Variants in GIGYF2 observed in about 807,000 individuals in gnomAD.
GIGYF2 encodes GRB10-interacting GYF protein 2.
Under a neutral mutation model 208.1 loss-of-function variants are expected in GIGYF2, and 25 were observed. The observed-to-expected ratio is 0.12, with a 90% CI of 0.09 to 0.17. The LOEUF (loss-of-function observed/expected upper bound fraction) is 0.17, where lower values mean the gene tolerates loss of function less well. Among genes scored for constraint, GIGYF2 ranks in the 10% least tolerant of loss-of-function variants. The pLI, the probability that GIGYF2 is intolerant of heterozygous loss-of-function variation, is 1.00. For synonymous variants in GIGYF2, 534 were observed against 543.8 expected (o/e 0.98, Z 0.25); for missense variants, 1,302 against 1,579.4 (o/e 0.82, Z 2.98).
At chr2:232,851,779 A>T (rs1690343614) in intron 28 of GIGYF2, among the ~76,000 whole-genome samples, 1 of 152,190 alleles carries the variant, frequency 6.6e-6, no homozygotes, top group Non-Finnish European at 1.5e-5. Context: ...TGTTGTCTGC[A>T]ATAGAATACA....
At position 232,857,060 on chromosome 2, in the gene GIGYF2, A is replaced by G. The variant is rs1336983416; in HGVS notation, c.*200A>G. On this transcript the variant is annotated 3_prime_UTR_variant, in exon 29 of 29. Transcript: ENST00000373563. ...TGTTGGTGAACATCTCAGACTATAGATAAGTGGACTGGACCCTGTGTCTTG... is the reference window on the plus strand; with the variant it reads ...TGTTGGTGAACATCTCAGACTATAGGTAAGTGGACTGGACCCTGTGTCTTG... The G allele has an allele frequency of 1.6e-6, 1 of 623,920 alleles. No individual in the cohort carries two copies. The highest frequency in any genetic ancestry group is 1.8e-5 in the African/African-American group (1 of 54,816). The allele number at this position is 623,920 out of a possible 1,614,324, so 38.6% of individuals were successfully genotyped here.
At chr2:232,775,982 C>T (rs939260749) in intron 8 of GIGYF2, among the ~76,000 whole-genome samples, 32 of 152,178 alleles carry the variant, frequency 2.1e-4, no homozygotes, top group African/African-American at 7.5e-4. Flanking sequence ...TATTAATTTC[C>T]GCAATAATTC....
At chr2:232,849,778 GGCC>G (rs1690241111) in intron 27 of GIGYF2, among the ~76,000 whole-genome samples, 1 of 152,142 alleles carries the variant, frequency 6.6e-6, no homozygotes, top group Non-Finnish European at 1.5e-5. Context: ...AGTATTTTTG[GGCC>G]AGATCGTTTC....
rs1304500906 is a variant in GIGYF2, at chr2:232,752,575, CT to C, written c.267+3497del. On this transcript the variant is annotated intron_variant, in intron 5 of 28. Coordinates refer to ENST00000373563, the MANE Select transcript of GIGYF2 (RefSeq NM_001103146.3). ...TTTTTTTTTGAGACAGAGTCTCACT[CT>C]TTTGCCCAGGCTGGAGTGCAGTGGC... 3.9e-5 allele frequency among the ~76,000 whole-genome samples: 6 copies of C among 152,176 alleles called. No homozygotes were observed. In the East Asian group the frequency reaches 1.2e-3, roughly 29 times the overall value.
intron 8 of GIGYF2, among the ~76,000 whole-genome samples, chr2:232,778,667 T>C (rs1183296354): frequency 3.9e-5 from 6 of 152,140 alleles, no homozygotes; most frequent in Non-Finnish European, 8.8e-5. Context: ...GTTTACATCC[T>C]TATGCACAAG....
intron 2 of GIGYF2, among the ~76,000 whole-genome samples, chr2:232,716,275 C>T (rs921012375): frequency 1.3e-5 from 2 of 151,794 alleles, no homozygotes; most frequent in African/African-American, 4.8e-5. Context: ...ATTCTTTTAG[C>T]CTAGTAAATG....
chr2:232,767,556 A>ATATATG (rs1699025743), intron 8 of GIGYF2: 1 of 153,264 alleles, frequency 6.5e-6, no homozygotes, highest in South Asian at 2.1e-4. Context: ...ATAAGTGAAC[A>ATATATG]TATATGTATG....
chr2:232,851,914 G>A (rs1241824344), intron 28 of GIGYF2, among the ~76,000 whole-genome samples: 1 of 152,190 alleles, frequency 6.6e-6, no homozygotes. Flanking sequence ...GGGATGAAAA[G>A]GAGTTAGATG....
chr2:232,833,953 G>A (rs1701502025), intron 22 of GIGYF2, among the ~76,000 whole-genome samples: 1 of 151,846 alleles, frequency 6.6e-6, no homozygotes, highest in Non-Finnish European at 1.5e-5. Flanking sequence ...GTGCTGGTGT[G>A]AATGAATAGG....
intron 2 of GIGYF2, among the ~76,000 whole-genome samples, chr2:232,717,539 T>C (rs1696744487): frequency 6.6e-6 from 1 of 152,190 alleles, no homozygotes; most frequent in African/African-American, 2.4e-5. Context: ...TATCACCATT[T>C]ATTATCTATT....
rs1229370332 is a variant in GIGYF2 at position 232,817,150 on chromosome 2, AAGACTCACT to A, written c.2370+119_2370+127del. 3 of 816,514 alleles carry A rather than the reference AAGACTCACT, an allele frequency of 3.7e-6. No homozygotes were observed. In the African/African-American group the frequency reaches 5.1e-5, roughly 14 times the overall value. The allele number at this position is 816,514 out of a possible 1,614,324, so 50.6% of individuals were successfully genotyped here. On this transcript the variant is annotated intron_variant, in intron 20 of 28. Coordinates refer to ENST00000373563, the MANE Select transcript of GIGYF2 (RefSeq NM_001103146.3). ...CACAGGATTGGGGTTAGAACCTTAG[AAGACTCACT>A]CACCTTTGGAAAGAATCTCTGTTTT...
chr2:232,824,120 C>T (rs1375951160), intron 21 of GIGYF2, among the ~76,000 whole-genome samples: 2 of 152,214 alleles, frequency 1.3e-5, no homozygotes, highest in African/African-American at 4.8e-5. Context: ...CCCTGTCTCT[C>T]TTCCTCTCCT....
intron 20 of GIGYF2, 100 bp downstream of exon 20, chr2:232,817,132 T>TATC: frequency 2.1e-6 from 2 of 943,534 alleles, no homozygotes; most frequent in Non-Finnish European, 3.5e-6. Flanking sequence ...GTCCACAGGA[T>TATC]TGGGGTTAGA....
At chr2:232,756,125 G>A in intron 5 of GIGYF2, 98 bp from the exon 6 acceptor site, 5 of 698,772 alleles carry the variant, frequency 7.2e-6, no homozygotes, top group Non-Finnish European at 1.2e-5. Context: ...AGATGCAGTA[G>A]GAATGTGGGG....
Position 232,728,873 on chromosome 2 carries a change from CAG to C in GIGYF2, c.-43-6279_-43-6278del, listed in dbSNP as rs539441596. 1.1e-4 allele frequency among the ~76,000 whole-genome samples: 16 copies of C among 152,322 alleles called. No individual in the cohort carries two copies. In the South Asian group the frequency reaches 3.1e-3, roughly 30 times the overall value. ...ACAGAGGCAGGATAGCATGATGGAG[CAG>C]AGTGTCCAGAGTCTGGTTCAAATCC... is the stretch of plus-strand genomic sequence containing the variant. On this transcript the variant is annotated intron_variant, in intron 2 of 28. Transcript: ENST00000373563.
intron 3 of GIGYF2, among the ~76,000 whole-genome samples, chr2:232,738,309 A>C (rs1697828278): frequency 6.6e-6 from 1 of 152,180 alleles, no homozygotes; most frequent in South Asian, 2.1e-4. Context: ...TCATCAGAGC[A>C]GTTTAAAAGG....
At position 232,731,932 on chromosome 2, in the gene GIGYF2, A is replaced by T. The variant is rs905241185; in HGVS notation, c.-43-3223A>T. 4.2e-5 allele frequency among the ~76,000 whole-genome samples: 6 copies of T among 142,800 alleles called. No homozygotes were observed. The South Asian group carries it at 1.2e-3, about 29-fold the overall frequency. 93.7% of individuals were successfully genotyped at this position (142,800 alleles called of 152,430 possible). A position where few individuals can be genotyped will look rare whatever the true frequency, so the allele number is the denominator to read the frequency against. On this transcript the variant is annotated intron_variant, in intron 2 of 28. Transcript: ENST00000373563. ...AGCAAATAAGAATGGATTTTTATTAAACAGTGTATCCTTCTATTGCATGTA... is the reference window on the plus strand; with the variant it reads ...AGCAAATAAGAATGGATTTTTATTATACAGTGTATCCTTCTATTGCATGTA...
At chr2:232,782,290 T>C (rs1217742665) in intron 8 of GIGYF2, among the ~76,000 whole-genome samples, 1 of 152,190 alleles carries the variant, frequency 6.6e-6, no homozygotes, top group Non-Finnish European at 1.5e-5. Flanking sequence ...TTCAAACTCC[T>C]AAACTCAAGT....
chr2:232,845,855 T>G lies in GIGYF2; in HGVS notation c.3429T>G (p.Leu1143=). ...TTACGCAGTGGTGTGAACAGATGCT[T>G]CATGCCCTTAATACGGCAAATAACT... The part of the protein sequence containing the change: ...DGFTQWCEQM[L]HALNTANNLD... Residue 1143 remains leucine, a synonymous_variant, in exon 26 of 29, where the codon CTT becomes CTG. Coordinates refer to ENST00000373563, the MANE Select transcript of GIGYF2 (RefSeq NM_001103146.3). 2.5e-6 allele frequency: 4 copies of G among 1,612,328 alleles called. No individual in the cohort carries two copies. The highest frequency in any genetic ancestry group is 3.4e-6 in the Non-Finnish European group (4 of 1,178,382).
Sources: allele counts gnomAD v4.1 joint callset (sites outside exome capture counted in the v4.1 genomes callset), GRCh38; gene constraint gnomAD v4.1.1; transcripts MANE v1.5; gene names NCBI Gene and HGNC (gene_info 2026-07-23, HGNC 2026-07-21).